Variants in NLRP1 observed in about 807,000 individuals in gnomAD.
The protein encoded by NLRP1 is NACHT, LRR and PYD domains-containing protein 1.
A neutral mutation model predicts 136.7 loss-of-function variants in NLRP1; 94 were observed. The observed-to-expected ratio is 0.69, with a 90% CI of 0.58 to 0.82. NLRP1 has a LOEUF of 0.82. Among genes scored for constraint, NLRP1 ranks in the 40% least tolerant of loss-of-function variants. The pLI is 0.00. For missense variants in NLRP1, 1,575 were observed against 1,802.7 expected, an observed-to-expected ratio of 0.87 and a Z score of 2.29; for synonymous variants, 690 against 725.1, an observed-to-expected ratio of 0.95 and a Z score of 0.78.
rs1403207768 is a variant in NLRP1, at chr17:5,559,184, A to G, written c.1512T>C (p.Phe504=). 1 of 1,614,038 alleles carries G rather than the reference A, an allele frequency of 6.2e-7. No homozygotes were observed. The highest frequency in any genetic ancestry group is 1.3e-5 in the African/African-American group (1 of 74,902). ...GCTCTTTGTTTGATTTGACCAACCTAAAGGCTCTAATTGCTTGCCTTTCAT... is the reference window on the plus strand; with the variant it reads ...GCTCTTTGTTTGATTTGACCAACCTGAAGGCTCTAATTGCTTGCCTTTCAT... ...FTDERQAIRA[F]RLVKSNKELW... Residue 504 remains phenylalanine, a synonymous_variant, in exon 4 of 17, where the codon TTT becomes TTC. Transcript: ENST00000572272.
At chr17:5,539,369 C>T (rs201814935) in intron 7 of NLRP1, 46 bp downstream of exon 7, 1 of 1,557,226 alleles carries the variant, frequency 6.4e-7, no homozygotes, top group South Asian at 1.2e-5. Flanking sequence ...TCCGATACCC[C>T]CCCAACCCTC....
Position 5,566,581 on chromosome 17 carries a change from A to G in NLRP1, c.653-6538T>C, listed in dbSNP as rs187758595. On this transcript the variant is annotated intron_variant, in intron 3 of 16. Transcript: ENST00000572272. The stretch of plus-strand genomic sequence containing the variant: ...TTTAAGACTTGTTTTGTGAGCTAAT[A>G]TATGGTGTATCCTTGGGAATGATCC... 2.9e-3 allele frequency among the ~76,000 whole-genome samples: 440 copies of G among 152,262 alleles called. 3 individuals are homozygous for G. Among genetic ancestry groups the G allele is most frequent in the African/African-American group, 9.5e-3 (393 of 41,560 alleles).
intron 3 of NLRP1, among the ~76,000 whole-genome samples, chr17:5,566,592 C>G (rs1449868375): frequency 6.6e-6 from 1 of 151,842 alleles, no homozygotes; most frequent in Non-Finnish European, 1.5e-5. Flanking sequence ...TATGGTGTAT[C>G]CTTGGGAATG....
chr17:5,539,324 G>T, intron 7 of NLRP1, 91 bp downstream of exon 7: 1 of 1,241,778 alleles, frequency 8.1e-7, no homozygotes, highest in Non-Finnish European at 1.1e-6. Flanking sequence ...AACTTGGGTT[G>T]GCTATGCATT....
chr17:5,563,876 A>G (rs34476632), intron 3 of NLRP1, among the ~76,000 whole-genome samples: 25,050 of 152,136 alleles, frequency 0.16, 2,215 homozygotes, highest in Middle Eastern at 0.23. Context: ...AAAAAACAAT[A>G]AAGGCAGCTA....
rs146723347 is a variant in NLRP1 at position 5,561,704 on chromosome 17, A to G, written c.653-1661T>C. Among the ~76,000 whole-genome samples the G allele has an allele frequency of 7.4e-4, 111 of 149,308 alleles. 8 individuals are homozygous for G. In the East Asian group the frequency reaches 0.021, roughly 28 times the overall value. ...ATGATCCACCCGCCTCGGCCTCCCA[A>G]AGTGCTGGGATTACAGGCGTGAGCC... is the stretch of plus-strand genomic sequence containing the variant. On this transcript the variant is annotated intron_variant, in intron 3 of 16. Transcript: ENST00000572272.
chr17:5,502,368 C>T (rs950511146), intron 15 of NLRP1: 27 of 163,248 alleles, frequency 1.7e-4, no homozygotes, highest in African/African-American at 4.6e-4. Context: ...CGGCTCACTG[C>T]AACCTCTGCC....
chr17:5,509,329 T>C (rs1411531719), downstream of NLRP1, among the ~76,000 whole-genome samples: 2 of 152,206 alleles, frequency 1.3e-5, no homozygotes, highest in Admixed American at 6.5e-5. Context: ...CCAGAGGACC[T>C]TCTTCCTTCC....
In NLRP1 at chr17:5,582,805, G is replaced by T; in HGVS notation, c.313C>A (p.Leu105Met). 1.2e-6 allele frequency: 2 copies of T among 1,613,814 alleles called. No individual in the cohort carries two copies. Among genetic ancestry groups the T allele is most frequent in the Non-Finnish European group, 1.7e-6 (2 of 1,179,786 alleles). ...GAGGTGGGTTGGCTGGGAGACCCCA[G>T]GTGGGGTTCACTTGGGCTGTAGGGG... Reference protein sequence around the residue: ...SFPYSPSEPHLGSPSQPTSTA... With the variant: ...SFPYSPSEPHMGSPSQPTSTA... The change falls in exon 2 of 17, where the codon CTG (leucine) becomes ATG (methionine). Residue 105 changes from leucine to methionine, a missense_variant. Leu to Met is a conservative substitution (Grantham distance 15). Transcript: ENST00000572272.
intron 3 of NLRP1, among the ~76,000 whole-genome samples, chr17:5,573,950 G>A (rs558853609): frequency 6.6e-6 from 1 of 152,336 alleles, no homozygotes; most frequent in South Asian, 2.1e-4. Context: ...GAACAAAGCT[G>A]GACGGAGAAT....
intron 15 of NLRP1, among the ~76,000 whole-genome samples, chr17:5,506,980 A>G (rs976374133): frequency 1.3e-5 from 2 of 152,124 alleles, no homozygotes; most frequent in Non-Finnish European, 2.9e-5. Context: ...TGATAAGTGA[A>G]AGAAGCAAGC....
chr17:5,521,117 C>T, intron 13 of NLRP1, 105 bp from the exon 14 acceptor site: 2 of 1,164,184 alleles, frequency 1.7e-6, no homozygotes, highest in African/African-American at 1.5e-5. Context: ...CAGAGTGGGG[C>T]TATATCACCC....
At chr17:5,578,567 T>C (rs1055753026) in intron 3 of NLRP1, among the ~76,000 whole-genome samples, 50 of 152,180 alleles carry the variant, frequency 3.3e-4, no homozygotes, top group African/African-American at 1.2e-3. Context: ...TGGGATACCA[T>C]CTCATACAAG....
chr17:5,502,074 C>T (rs1291311006), intron 15 of NLRP1: 2 of 534,906 alleles, frequency 3.7e-6, no homozygotes, highest in Non-Finnish European at 6.9e-6. Flanking sequence ...TCCTCTCTAT[C>T]CTACAGCGTT....
intron 11 of NLRP1, among the ~76,000 whole-genome samples, chr17:5,531,278 C>T (rs942942578): frequency 1.1e-4 from 17 of 151,946 alleles, no homozygotes; most frequent in African/African-American, 2.7e-4. Flanking sequence ...CGCAGTGGCC[C>T]GATCTTGGTT....
In NLRP1 at chr17:5,551,271, T is replaced by C. The variant is rs376941363; in HGVS notation, c.2528+2115A>G. ...TTGCCTCTTCCAGAATGTCATATAG[T>C]TGGAAGCATACAGCATGTAGCCTTT... is the stretch of plus-strand genomic sequence containing the variant. On this transcript the variant is annotated intron_variant, in intron 5 of 16. Transcript: ENST00000572272. Among the ~76,000 whole-genome samples, 14 of 152,352 alleles carry C rather than the reference T, an allele frequency of 9.2e-5. No individual in the cohort carries two copies. The South Asian group carries it at 2.9e-3, about 32-fold the overall frequency.
chr17:5,563,804 C>A (rs564154202), intron 3 of NLRP1, among the ~76,000 whole-genome samples: 1 of 152,276 alleles, frequency 6.6e-6, no homozygotes, highest in East Asian at 1.9e-4. Context: ...AGACAATCAT[C>A]CCTAAAACAC....
chr17:5,562,728 C>A (rs1914897955), intron 3 of NLRP1, among the ~76,000 whole-genome samples: 1 of 152,180 alleles, frequency 6.6e-6, no homozygotes, highest in East Asian at 1.9e-4. Context: ...AAAACTAAGG[C>A]AAAGGCTCCC....
chr17:5,501,565 T>C, exon 16 of NLRP1: 1 of 405,818 alleles, frequency 2.5e-6, no homozygotes, highest in Non-Finnish European at 4.6e-6. Context: ...TTTCTCTGCC[T>C]TCTTCCTTTT....
Sources: allele counts gnomAD v4.1 joint callset (sites outside exome capture counted in the v4.1 genomes callset), GRCh38; gene constraint gnomAD v4.1.1; transcripts MANE v1.5; gene names NCBI Gene and HGNC (gene_info 2026-07-23, HGNC 2026-07-21).